Variants in MACROD2 observed in about 807,000 individuals in gnomAD.
MACROD2 encodes mono-ADP ribosylhydrolase 2.
In MACROD2, 36 loss-of-function variants were observed where a neutral mutation model predicts 70.4. The observed-to-expected ratio is 0.51, with a 90% CI of 0.39 to 0.68. The LOEUF is 0.68. MACROD2 is among the 30% of genes least tolerant of loss of function. MACROD2 has a pLI of 0.00. For missense variants in MACROD2, 496 were observed against 538.4 expected, an observed-to-expected ratio of 0.92 and a Z score of 0.78; for synonymous variants, 172 against 178.8, an observed-to-expected ratio of 0.96 and a Z score of 0.30.
chr20:15,340,688 C>T (rs2021763), intron 6 of MACROD2, among the ~76,000 whole-genome samples: 26,174 of 151,950 alleles, frequency 0.17, 2,604 homozygotes, highest in Non-Finnish European at 0.23. Context: ...AGCACCCTTC[C>T]GATGCAGTGC....
intron 16 of MACROD2, among the ~76,000 whole-genome samples, chr20:16,041,615 G>A (rs6043681): frequency 0.2 from 31,027 of 151,810 alleles, 3,806 homozygotes; most frequent in African/African-American, 0.34. Flanking sequence ...AAGGTACTTA[G>A]CCTACTTAGC....
chr20:14,722,229 G>A (rs1186282954), intron 5 of MACROD2, among the ~76,000 whole-genome samples: 1 of 152,178 alleles, frequency 6.6e-6, no homozygotes, highest in East Asian at 1.9e-4. Flanking sequence ...GGCTTTGCTG[G>A]CGCAGTGTCC....
intron 5 of MACROD2, among the ~76,000 whole-genome samples, chr20:15,094,537 G>A (rs537965248): frequency 2.4e-4 from 37 of 152,176 alleles, no homozygotes; most frequent in Non-Finnish European, 5.0e-4. Flanking sequence ...AAACAAATTT[G>A]ACTCTTGTAT....
intron 13 of MACROD2, among the ~76,000 whole-genome samples, chr20:15,984,930 G>A (rs1162330080): frequency 2.0e-5 from 3 of 152,230 alleles, no homozygotes; most frequent in East Asian, 3.9e-4. Context: ...CTGTTGGGGG[G>A]AAGGGGGTCT....
intron 2 of MACROD2, among the ~76,000 whole-genome samples, chr20:14,020,030 G>C (rs951684604): frequency 6.6e-6 from 1 of 152,130 alleles, no homozygotes; most frequent in Non-Finnish European, 1.5e-5. Flanking sequence ...CTCGGGCCAT[G>C]CCTAGGAATG....
chr20:14,042,056 G>A (rs1410036896), intron 2 of MACROD2, among the ~76,000 whole-genome samples: 3 of 152,062 alleles, frequency 2.0e-5, no homozygotes, highest in African/African-American at 7.2e-5. Context: ...AACAAGCAAA[G>A]CAAATAGCTC....
At chr20:14,525,577 C>T (rs755353105) in intron 4 of MACROD2, among the ~76,000 whole-genome samples, 7 of 152,172 alleles carry the variant, frequency 4.6e-5, no homozygotes, top group Non-Finnish European at 8.8e-5. Flanking sequence ...TTGTCAGACT[C>T]TGAAATTGGC....
intron 8 of MACROD2, among the ~76,000 whole-genome samples, chr20:15,777,227 A>G (rs1221716824): frequency 6.6e-6 from 1 of 152,132 alleles, no homozygotes; most frequent in Non-Finnish European, 1.5e-5. Context: ...CTGAATATGT[A>G]TGCTGTATAT....
intron 5 of MACROD2, among the ~76,000 whole-genome samples, chr20:14,915,427 C>T (rs1235115838): frequency 6.6e-6 from 1 of 152,156 alleles, no homozygotes; most frequent in Non-Finnish European, 1.5e-5. Context: ...GAATGTCTTC[C>T]AAAACCTTCG....
rs79766895 is a variant in MACROD2 at position 14,074,477 on chromosome 20, C to A, written c.164-11144C>A. 7.6e-3 allele frequency among the ~76,000 whole-genome samples: 1,151 copies of A among 152,266 alleles called. 16 individuals carry two copies. The highest frequency in any genetic ancestry group is 0.025 in the African/African-American group (1,058 of 41,550). On this transcript the variant is annotated intron_variant, in intron 2 of 17. Transcript: ENST00000684519. ...AACCATTGCCCTACATGACAGTTCA[C>A]TGAAGCATGGTAGGAACAGATATTC...
intron 15 of MACROD2, among the ~76,000 whole-genome samples, chr20:16,035,897 G>A (rs1026404215): frequency 1.8e-4 from 28 of 151,968 alleles, no homozygotes; most frequent in African/African-American, 5.6e-4. Flanking sequence ...TGCATTTCAA[G>A]TCTCTCCTTG....
chr20:15,524,569 G>A (rs1394060936), intron 8 of MACROD2, among the ~76,000 whole-genome samples: 1 of 152,068 alleles, frequency 6.6e-6, no homozygotes, highest in Non-Finnish European at 1.5e-5. Flanking sequence ...TCTGTTCTAG[G>A]TGAATGATGC....
intron 8 of MACROD2, among the ~76,000 whole-genome samples, chr20:15,632,567 C>G (rs1238200839): frequency 6.6e-6 from 1 of 152,012 alleles, no homozygotes; most frequent in Admixed American, 6.6e-5. Context: ...GTGTAATTTC[C>G]AGATATAAAA....
Position 15,499,799 on chromosome 20 carries a change from C to A in MACROD2, c.597C>A (p.Val199=). The A allele has an allele frequency of 6.2e-7, 1 of 1,613,812 alleles. No homozygotes were observed. The highest frequency in any genetic ancestry group is 1.1e-5 in the South Asian group (1 of 91,032). ...IYGFPNEPAA[V]IALNTIKEWL... The stretch of plus-strand genomic sequence containing the variant: ...GCTTTCCCAACGAGCCTGCTGCAGT[C>A]ATTGCCCTCAACACCATTAAGGAAT... The change falls in exon 8 of 18, where the codon GTC becomes GTA. Residue 199 remains valine, a synonymous_variant. Coordinates refer to ENST00000684519, the MANE Select transcript of MACROD2 (RefSeq NM_001351661.2).
chr20:15,425,433 C>T (rs2046284688), intron 6 of MACROD2, among the ~76,000 whole-genome samples: 1 of 152,132 alleles, frequency 6.6e-6, no homozygotes, highest in South Asian at 2.1e-4. Context: ...AATGGTGTTT[C>T]TTACAATTGA....
rs1321828475 is a variant in MACROD2, at chr20:15,498,512, A to T, written c.572-1262A>T. On this transcript the variant is annotated intron_variant, in intron 7 of 17. Coordinates refer to ENST00000684519, the MANE Select transcript of MACROD2 (RefSeq NM_001351661.2). ...CTGAGTTTAGGATGCTGGGAATGGC[A>T]CACATTTAATGAATGCCGCTAGAAA... 2.0e-5 allele frequency among the ~76,000 whole-genome samples: 3 copies of T among 152,344 alleles called. No individual in the cohort carries two copies. In the East Asian group the frequency reaches 5.8e-4, roughly 29 times the overall value.
chr20:15,189,449 T>G (rs1286024016), intron 5 of MACROD2, among the ~76,000 whole-genome samples: 1 of 152,170 alleles, frequency 6.6e-6, no homozygotes, highest in African/African-American at 2.4e-5. Context: ...CAATCTAGCA[T>G]GAAAAATTTC....
intron 5 of MACROD2, among the ~76,000 whole-genome samples, chr20:14,867,842 C>A (rs1253493577): frequency 1.3e-5 from 2 of 152,012 alleles, no homozygotes; most frequent in Non-Finnish European, 2.9e-5. Flanking sequence ...ACCTCTTTCT[C>A]CAAATTCCTG....
intron 2 of MACROD2, among the ~76,000 whole-genome samples, chr20:14,056,829 C>CTTT (rs11355926): frequency 6.8e-6 from 1 of 146,534 alleles, no homozygotes; most frequent in Admixed American, 6.8e-5. Context: ...ATTCAGATCT[C>CTTT]TTTTTTTTTT....
Sources: gnomAD v4.1 joint callset for allele counts (sites outside exome capture counted in the v4.1 genomes callset) on GRCh38, gnomAD v4.1.1 for gene constraint, MANE v1.5 for transcripts, NCBI Gene and HGNC (gene_info 2026-07-23, HGNC 2026-07-21) for gene names.